The following RAB3C variants were observed in gnomAD, a reference collection of about 807,000 sequenced individuals.
RAB3C encodes RAB3C, member RAS oncogene family.
In RAB3C, 17 loss-of-function variants were observed where a neutral mutation model predicts 26.4. The observed-to-expected ratio is 0.64, with a 90% confidence interval of 0.44 to 0.97. The LOEUF is 0.97. Ranked by LOEUF, RAB3C falls within the 50% of genes least tolerant of loss-of-function variation. The pLI, the probability that RAB3C is intolerant of heterozygous loss-of-function variation, is 0.00. For synonymous variants in RAB3C, 91 were observed against 95.9 expected, an observed-to-expected ratio of 0.95 and a Z score of 0.30; for missense variants, 242 against 281.9, an observed-to-expected ratio of 0.86 and a Z score of 1.01.
intron 3 of RAB3C, among the ~76,000 whole-genome samples, chr5:58,751,705 T>C (rs929688010): frequency 6.6e-6 from 1 of 152,260 alleles, no homozygotes; most frequent in African/African-American, 2.4e-5. Flanking sequence ...ATGTTAGTCA[T>C]ATTACTTGAA....
chr5:58,824,286 T>C (rs16888656), intron 3 of RAB3C, among the ~76,000 whole-genome samples: 16,675 of 151,706 alleles, frequency 0.11, 1,106 homozygotes, highest in African/African-American at 0.19. Context: ...AAAAAAAAAA[T>C]ACCCTGCAGA....
chr5:58,805,757 A>C (rs2459408), intron 3 of RAB3C, among the ~76,000 whole-genome samples: 64,203 of 151,678 alleles, frequency 0.42, 15,317 homozygotes, highest in Middle Eastern at 0.64. Flanking sequence ...CTAGGAAGGT[A>C]GTGTGTGTTC....
At position 58,586,321 on chromosome 5, in the gene RAB3C, T is replaced by C. The variant is rs537310866; in HGVS notation, c.24+3089T>C. ...GATAGAGTAAAATTTCCGCCAGATC[T>C]CTCTGTCTGGAAAACCCACGTTCTT... On this transcript the variant is annotated intron_variant, in intron 1 of 4. Coordinates refer to ENST00000282878, the MANE Select transcript of RAB3C (RefSeq NM_138453.4). 2.0e-5 allele frequency among the ~76,000 whole-genome samples: 3 copies of C among 152,118 alleles called. No homozygotes were observed. In the East Asian group the frequency reaches 5.8e-4, roughly 29 times the overall value.
At chr5:58,614,456 G>C (rs1175066587) in intron 1 of RAB3C, among the ~76,000 whole-genome samples, 1 of 151,176 alleles carries the variant, frequency 6.6e-6, no homozygotes, top group African/African-American at 2.4e-5. Flanking sequence ...AATCTTATTA[G>C]GTGTGTTAAA....
At chr5:58,742,305 C>T (rs900808293) in intron 3 of RAB3C, among the ~76,000 whole-genome samples, 1 of 152,090 alleles carries the variant, frequency 6.6e-6, no homozygotes, top group African/African-American at 2.4e-5. Context: ...ATGACAGGGT[C>T]GTTTTTATAT....
intron 4 of RAB3C, among the ~76,000 whole-genome samples, chr5:58,843,826 G>A (rs534073364): frequency 2.0e-5 from 3 of 152,160 alleles, no homozygotes; most frequent in Non-Finnish European, 2.9e-5. Flanking sequence ...GTTTAGTCAC[G>A]TCATAACTAA....
chr5:58,797,100 TTA>T (rs545909981), intron 3 of RAB3C, among the ~76,000 whole-genome samples: 8 of 152,010 alleles, frequency 5.3e-5, no homozygotes, highest in Admixed American at 2.6e-4. Context: ...CCACTAATGT[TTA>T]TTTGCTAAGT....
In RAB3C at chr5:58,610,079, G is replaced by A. The variant is rs567452863; in HGVS notation, c.25-7564G>A. 4.0e-4 allele frequency among the ~76,000 whole-genome samples: 61 copies of A among 152,176 alleles called. 2 individuals carry two copies. Among genetic ancestry groups the A allele is most frequent in the South Asian group, 2.3e-3 (11 of 4,826 alleles). On this transcript the variant is annotated intron_variant, in intron 1 of 4. Transcript: ENST00000282878. ...ATGAGGACTTTTACCAGGAGAAATCGCCTGGAGTCCAGATGACAGACTTTT... is the reference window on the plus strand; with the variant it reads ...ATGAGGACTTTTACCAGGAGAAATCACCTGGAGTCCAGATGACAGACTTTT...
chr5:58,777,602 T>C (rs1742174981), intron 3 of RAB3C, among the ~76,000 whole-genome samples: 1 of 151,970 alleles, frequency 6.6e-6, no homozygotes, highest in Non-Finnish European at 1.5e-5. Flanking sequence ...ATGTTTTTTT[T>C]TTTTTTTTTG....
intron 2 of RAB3C, among the ~76,000 whole-genome samples, chr5:58,656,091 C>T (rs1478875575): frequency 1.3e-5 from 2 of 152,124 alleles, no homozygotes; most frequent in Non-Finnish European, 2.9e-5. Context: ...GGCCCTAAAC[C>T]TAACTCTTAC....
chr5:58,665,908 A>G (rs1476573220), intron 2 of RAB3C, among the ~76,000 whole-genome samples: 2 of 152,182 alleles, frequency 1.3e-5, no homozygotes, highest in Non-Finnish European at 2.9e-5. Context: ...ATGGAATACT[A>G]CACTTCTACA....
intron 2 of RAB3C, among the ~76,000 whole-genome samples, chr5:58,693,921 A>G (rs1382514261): frequency 1.3e-5 from 2 of 151,990 alleles, no homozygotes; most frequent in East Asian, 3.9e-4. Flanking sequence ...CCATCTGTTC[A>G]ATTTTTTTTT....
intron 4 of RAB3C, among the ~76,000 whole-genome samples, chr5:58,831,216 T>A (rs1161392963): frequency 6.6e-6 from 1 of 152,108 alleles, no homozygotes; most frequent in East Asian, 1.9e-4. Flanking sequence ...TTTTCTATCT[T>A]AAAGTCCAGG....
chr5:58,649,792 A>G (rs1747605105), intron 2 of RAB3C, among the ~76,000 whole-genome samples: 1 of 152,026 alleles, frequency 6.6e-6, no homozygotes, highest in Admixed American at 6.6e-5. Flanking sequence ...TTTCCAGGAA[A>G]CTCTGAACTC....
At chr5:58,630,649 T>G (rs939250587) in intron 2 of RAB3C, among the ~76,000 whole-genome samples, 3 of 152,190 alleles carry the variant, frequency 2.0e-5, no homozygotes, top group Admixed American at 2.0e-4. Context: ...AAATTTCCAC[T>G]GTACACTCAT....
intron 2 of RAB3C, among the ~76,000 whole-genome samples, chr5:58,630,655 C>T (rs1747168761): frequency 6.6e-6 from 1 of 152,144 alleles, no homozygotes; most frequent in African/African-American, 2.4e-5. Context: ...CCACTGTACA[C>T]TCATGGGAGA....
At chr5:58,693,458 G>A (rs1271395428) in intron 2 of RAB3C, among the ~76,000 whole-genome samples, 1 of 150,588 alleles carries the variant, frequency 6.6e-6, no homozygotes, top group African/African-American at 2.4e-5. Flanking sequence ...ATGAGAGGTA[G>A]GTCATAATAT....
At chr5:58,830,564 A>C (rs1352564883) in intron 4 of RAB3C, among the ~76,000 whole-genome samples, 1 of 152,180 alleles carries the variant, frequency 6.6e-6, no homozygotes, top group Non-Finnish European at 1.5e-5. Context: ...ACTGAGCCTG[A>C]ATGACCCCAG....
At chr5:58,700,025 G>A (rs1284303184) in intron 2 of RAB3C, among the ~76,000 whole-genome samples, 1 of 152,170 alleles carries the variant, frequency 6.6e-6, no homozygotes, top group Non-Finnish European at 1.5e-5. Flanking sequence ...TGGAAATGCA[G>A]AAATCACCCA....
Sources: allele counts gnomAD v4.1 joint callset (sites outside exome capture counted in the v4.1 genomes callset), GRCh38; gene constraint gnomAD v4.1.1; transcripts MANE v1.5; gene names NCBI Gene and HGNC (gene_info 2026-07-23, HGNC 2026-07-21).